ADAMTS6: variants seen among roughly 807,000 people sequenced by gnomAD.
ADAMTS6 encodes the protein ADAM metallopeptidase with thrombospondin type 1 motif 6, also known as A disintegrin and metalloproteinase with thrombospondin motifs 6.
In ADAMTS6, 23 loss-of-function variants were observed where a neutral mutation model predicts 144.3. The observed-to-expected ratio is 0.16, with a 90% confidence interval of 0.11 to 0.23. ADAMTS6 has a LOEUF of 0.23. Ranked by LOEUF, ADAMTS6 falls within the 10% of genes least tolerant of loss-of-function variation. The pLI is 1.00. For synonymous variants in ADAMTS6, 444 were observed against 457.5 expected (o/e 0.97, Z 0.38); for missense variants, 999 against 1,379.6 (o/e 0.72, Z 4.37).
chr5:65,249,425 C>T (rs1759951043), intron 14 of ADAMTS6, among the ~76,000 whole-genome samples: 1 of 151,948 alleles, frequency 6.6e-6, no homozygotes, highest in Admixed American at 6.6e-5. Context: ...GGGCAGCCCA[C>T]CCTAAGGGAA....
At chr5:65,419,949 C>T (rs1755876900) in intron 7 of ADAMTS6, among the ~76,000 whole-genome samples, 1 of 152,100 alleles carries the variant, frequency 6.6e-6, no homozygotes, top group East Asian at 1.9e-4. Context: ...TTACATTAGT[C>T]CATTCTCACA....
intron 7 of ADAMTS6, among the ~76,000 whole-genome samples, chr5:65,401,261 A>C (rs1041821003): frequency 1.3e-5 from 2 of 152,088 alleles, no homozygotes; most frequent in South Asian, 4.2e-4. Flanking sequence ...CTCTTGAACA[A>C]ATATTTTCTA....
chr5:65,425,888 C>A (rs536942464), intron 7 of ADAMTS6, among the ~76,000 whole-genome samples: 13 of 151,860 alleles, frequency 8.6e-5, no homozygotes, highest in African/African-American at 3.1e-4. Context: ...CTCAGCCTCC[C>A]GAGTAGCTGG....
intron 7 of ADAMTS6, among the ~76,000 whole-genome samples, chr5:65,402,879 G>A (rs914721302): frequency 7.2e-5 from 11 of 152,018 alleles, no homozygotes; most frequent in African/African-American, 2.4e-4. Flanking sequence ...GAACTCCATG[G>A]ACTCTTCAGC....
intron 9 of ADAMTS6, among the ~76,000 whole-genome samples, chr5:65,305,324 G>C (rs970557707): frequency 6.6e-6 from 1 of 152,090 alleles, no homozygotes; most frequent in Admixed American, 6.5e-5. Context: ...AATATTTTAC[G>C]AGGATACATA....
At position 65,154,480 on chromosome 5, in the gene ADAMTS6, C is replaced by T. The variant is rs373047992; in HGVS notation, c.3245-2535G>A. Among the ~76,000 whole-genome samples the T allele has an allele frequency of 4.7e-4, 71 of 152,284 alleles. 1 individual carries two copies. The South Asian group carries it at 0.015, about 31-fold the overall frequency. On this transcript the variant is annotated intron_variant, in intron 24 of 24. Transcript: ENST00000381055. The stretch of plus-strand genomic sequence containing the variant: ...CTGGGAACAGGATCAAGCTTAGGGA[C>T]GTTGGGATTATGAGTGTCCCCTGAG...
At chr5:65,280,381 C>T (rs1354459449) in intron 11 of ADAMTS6, among the ~76,000 whole-genome samples, 2 of 152,200 alleles carry the variant, frequency 1.3e-5, no homozygotes, top group Admixed American at 6.5e-5. Context: ...TGTATCTTCA[C>T]AGCTTCATCA....
intron 7 of ADAMTS6, among the ~76,000 whole-genome samples, chr5:65,390,248 C>T (rs149123726): frequency 1.3e-5 from 2 of 152,218 alleles, no homozygotes; most frequent in African/African-American, 2.4e-5. Context: ...CTTGCTTACT[C>T]GAGCATTTTA....
intron 1 of ADAMTS6, 86 bp downstream of exon 1, chr5:65,481,254 TTTC>T: frequency 6.7e-6 from 1 of 150,342 alleles, no homozygotes; most frequent in Non-Finnish European, 1.5e-5. Context: ...GAAAAAAAGT[TTTC>T]TAAGCGTTAT....
chr5:65,364,284 A>G (rs1750093564), intron 7 of ADAMTS6, among the ~76,000 whole-genome samples: 1 of 152,218 alleles, frequency 6.6e-6, no homozygotes, highest in Non-Finnish European at 1.5e-5. Flanking sequence ...TTTAAGACGA[A>G]AAGATTCTCT....
intron 7 of ADAMTS6, among the ~76,000 whole-genome samples, chr5:65,447,683 A>C (rs1310798577): frequency 6.6e-6 from 1 of 152,016 alleles, no homozygotes; most frequent in East Asian, 1.9e-4. Flanking sequence ...AATTTCATTC[A>C]CTAATTTAGG....
chr5:65,152,075 GGTTTTT>G, intron 24 of ADAMTS6, 130 bp from the exon 25 acceptor site: 1 of 655,536 alleles, frequency 1.5e-6, no homozygotes, highest in Non-Finnish European at 2.6e-6. Flanking sequence ...ACCTCCATGT[GGTTTTT>G]GTTTTTGTTT....
At chr5:65,224,117 A>C (rs1205143679) in intron 18 of ADAMTS6, among the ~76,000 whole-genome samples, 2 of 152,068 alleles carry the variant, frequency 1.3e-5, no homozygotes, top group Non-Finnish European at 2.9e-5. Context: ...TTAAATATAT[A>C]AAATAACCCG....
At chr5:65,438,104 G>A (rs1453305980) in intron 7 of ADAMTS6, among the ~76,000 whole-genome samples, 6 of 152,174 alleles carry the variant, frequency 3.9e-5, no homozygotes, top group Non-Finnish European at 7.4e-5. Context: ...AGGTACATAA[G>A]CCTAGATGGA....
intron 9 of ADAMTS6, among the ~76,000 whole-genome samples, chr5:65,320,463 G>A (rs145801907): frequency 0.018 from 2,683 of 151,606 alleles, 81 homozygotes; most frequent in African/African-American, 0.061. Context: ...CTCCAATGAC[G>A]TCATTGATGA....
intron 7 of ADAMTS6, among the ~76,000 whole-genome samples, chr5:65,399,218 T>C (rs552244651): frequency 1.5e-4 from 23 of 152,348 alleles, no homozygotes; most frequent in African/African-American, 5.5e-4. Flanking sequence ...ATTGCACCAC[T>C]GCACTCCAGC....
chr5:65,349,601 T>A (rs920145202), intron 7 of ADAMTS6, among the ~76,000 whole-genome samples: 1 of 152,116 alleles, frequency 6.6e-6, no homozygotes, highest in Non-Finnish European at 1.5e-5. Flanking sequence ...ACACTTGTAA[T>A]CCCAGCACTT....
chr5:65,151,806 G>T lies in ADAMTS6; in HGVS notation c.*30C>A. On this transcript the variant is annotated 3_prime_UTR_variant, in exon 25 of 25. Transcript: ENST00000381055. ...GATGGATGCATTTCCATGATGAAAT[G>T]ACAAGGCACTCTCTCTGGCTTTCTG... The T allele has an allele frequency of 6.3e-7, 1 of 1,576,980 alleles. No individual in the cohort carries two copies. The highest frequency in any genetic ancestry group is 8.7e-7 in the Non-Finnish European group (1 of 1,148,012).
rs780408996 is a variant in ADAMTS6 at position 65,215,333 on chromosome 5, G to T, written c.2427C>A (p.Leu809=). ...LEALGPTSEN[L]IVMVLLQEQN... ...GCAAAGACGCATTTACCATGACGATGAGATTTTCTGAGGTAGGACCTAGAG... is the reference window on the plus strand; with the variant it reads ...GCAAAGACGCATTTACCATGACGATTAGATTTTCTGAGGTAGGACCTAGAG... Residue 809 remains leucine (L), a synonymous_variant, in exon 19 of 25, where the codon CTC becomes CTA. Coordinates refer to ENST00000381055, the MANE Select transcript of ADAMTS6 (RefSeq NM_197941.4). The T allele has an allele frequency of 5.0e-6, 8 of 1,613,190 alleles. No individual in the cohort carries two copies. In the Admixed American group the frequency reaches 1.3e-4, roughly 27 times the overall value.
Sources: gnomAD v4.1 joint callset for allele counts (sites outside exome capture counted in the v4.1 genomes callset) on GRCh38, gnomAD v4.1.1 for gene constraint, MANE v1.5 for transcripts, NCBI Gene and HGNC (gene_info 2026-07-23, HGNC 2026-07-21) for gene names.